Variants in KSR1 observed in about 807,000 individuals in gnomAD.
KSR1 encodes the protein kinase suppressor of ras 1, also known as kinase suppressor of ras.
Under a neutral mutation model 92.9 loss-of-function variants are expected in KSR1, and 35 were observed. That is an observed-to-expected ratio of 0.38 (90% CI 0.29 to 0.50). The LOEUF is 0.50. KSR1 is among the 20% of genes least tolerant of loss of function. The pLI is 0.94. For synonymous variants in KSR1, 467 were observed against 472.6 expected, an observed-to-expected ratio of 0.99 and a Z score of 0.15; for missense variants, 972 against 1,158.5, an observed-to-expected ratio of 0.84 and a Z score of 2.34.
chr17:27,621,345 G>A (rs2074218060), intron 20 of KSR1, 72 bp downstream of exon 20: 1 of 398,300 alleles, frequency 2.5e-6, no homozygotes, highest in South Asian at 1.3e-4. Flanking sequence ...CTTCCTTTCT[G>A]TCGCCGCTTC....
chr17:27,554,056 T>G (rs1350399349), intron 2 of KSR1, among the ~76,000 whole-genome samples: 1 of 152,192 alleles, frequency 6.6e-6, no homozygotes, highest in Non-Finnish European at 1.5e-5. Context: ...TCTGTGTGCT[T>G]TCAGTGGGAA....
At chr17:27,530,451 A>G (rs1308957385) in intron 1 of KSR1, among the ~76,000 whole-genome samples, 4 of 150,560 alleles carry the variant, frequency 2.7e-5, no homozygotes, top group African/African-American at 9.8e-5. Flanking sequence ...TCTCAAAAGA[A>G]AAAAAAAAGA....
intron 10 of KSR1, among the ~76,000 whole-genome samples, chr17:27,600,946 G>A (rs944393240): frequency 1.3e-5 from 2 of 152,220 alleles, no homozygotes; most frequent in Admixed American, 6.5e-5. Context: ...TGGGTAGGGA[G>A]TGGTAAGGTT....
intron 1 of KSR1, among the ~76,000 whole-genome samples, chr17:27,541,357 G>A (rs2070956424): frequency 6.6e-6 from 1 of 152,250 alleles, no homozygotes; most frequent in African/African-American, 2.4e-5. Flanking sequence ...ATGGCCTCAG[G>A]TTATAGGCAG....
In KSR1 at chr17:27,610,155, G is replaced by T; in HGVS notation, c.2314G>T (p.Asp772Tyr). 6.2e-7 allele frequency: 1 copy of T among 1,614,036 alleles called. No individual in the cohort carries two copies. ...CGAGATGACCCCCGGGAAGGACGAGGATCAGCTGCCATTCTCCAAAGCTGC... is the reference window on the plus strand; with the variant it reads ...CGAGATGACCCCCGGGAAGGACGAGTATCAGCTGCCATTCTCCAAAGCTGC... The part of the protein sequence containing the change: ...VREMTPGKDE[D>Y]QLPFSKAADV... Residue 772 changes from aspartate (D) to tyrosine (Y), a missense_variant, in exon 17 of 21, where the codon GAT (aspartate) becomes TAT (tyrosine). Asp to Tyr is a radical substitution (Grantham distance 160). Coordinates refer to ENST00000644974, the MANE Select transcript of KSR1 (RefSeq NM_001394583.1).
intron 16 of KSR1, 156 bp from the exon 17 acceptor site, chr17:27,609,911 G>A (rs2073867889): frequency 9.5e-6 from 8 of 840,484 alleles, no homozygotes; most frequent in Non-Finnish European, 1.5e-5. Context: ...AAGCACCGGT[G>A]CCTTTCCCAA....
chr17:27,512,389 A>C (rs992917490), intron 1 of KSR1, among the ~76,000 whole-genome samples: 2 of 152,152 alleles, frequency 1.3e-5, no homozygotes, highest in African/African-American at 4.8e-5. Context: ...GGCATCCTGG[A>C]GGGGTGATAA....
intron 1 of KSR1, among the ~76,000 whole-genome samples, chr17:27,468,014 T>C (rs2019787303): frequency 6.6e-6 from 1 of 152,120 alleles, no homozygotes; most frequent in Admixed American, 6.5e-5. Flanking sequence ...AGACGGGGTT[T>C]CACCGTGTTA....
chr17:27,549,738 A>T (rs2071323623), intron 1 of KSR1, among the ~76,000 whole-genome samples: 1 of 152,176 alleles, frequency 6.6e-6, no homozygotes, highest in Non-Finnish European at 1.5e-5. Flanking sequence ...TCATGGCTAC[A>T]CTTGTGGTGC....
At chr17:27,519,482 A>G (rs9890849) in intron 1 of KSR1, among the ~76,000 whole-genome samples, 34,427 of 152,032 alleles carry the variant, frequency 0.23, 4,127 homozygotes, top group Non-Finnish European at 0.26. Context: ...TAGTGATTCT[A>G]TCATGTCGGC....
intron 1 of KSR1, among the ~76,000 whole-genome samples, chr17:27,535,085 G>A (rs890374716): frequency 6.6e-6 from 1 of 152,180 alleles, no homozygotes; most frequent in African/African-American, 2.4e-5. Context: ...GACCCTGGGT[G>A]GGACTCAGTG....
At chr17:27,464,396 A>AATT (rs2019582307) in intron 1 of KSR1, among the ~76,000 whole-genome samples, 1 of 152,112 alleles carries the variant, frequency 6.6e-6, no homozygotes, top group African/African-American at 2.4e-5. Flanking sequence ...ATCCCCTGGA[A>AATT]ATTAGGTGGG....
intron 2 of KSR1, among the ~76,000 whole-genome samples, chr17:27,556,414 A>T (rs1180280221): frequency 1.3e-5 from 2 of 151,754 alleles, no homozygotes; most frequent in East Asian, 3.9e-4. Flanking sequence ...TAGACACAGG[A>T]TCTCTCTATG....
At chr17:27,611,434 C>G in intron 17 of KSR1, 60 bp from the exon 18 acceptor site, 1 of 1,609,180 alleles carries the variant, frequency 6.2e-7, no homozygotes, top group Non-Finnish European at 8.5e-7. Flanking sequence ...CTCAAGGGCC[C>G]CTGGGCTTGA....
At chr17:27,492,475 A>C (rs985544062) in intron 1 of KSR1, among the ~76,000 whole-genome samples, 2 of 152,154 alleles carry the variant, frequency 1.3e-5, no homozygotes, top group East Asian at 3.9e-4. Context: ...CCTGAGCCCA[A>C]ATGTCAGCTC....
chr17:27,601,202 C>T (rs1162798471), intron 10 of KSR1, 158 bp from the exon 11 acceptor site: 9 of 624,520 alleles, frequency 1.4e-5, no homozygotes, highest in Non-Finnish European at 2.6e-5. Flanking sequence ...TTTCCTCCTT[C>T]CTGCATGGTT....
At chr17:27,544,909 G>A (rs932377109) in intron 1 of KSR1, among the ~76,000 whole-genome samples, 1 of 152,210 alleles carries the variant, frequency 6.6e-6, no homozygotes, top group Non-Finnish European at 1.5e-5. Flanking sequence ...TCACTCTGAC[G>A]GGAGTGGCTG....
intron 1 of KSR1, among the ~76,000 whole-genome samples, chr17:27,527,832 A>G (rs528271167): frequency 5.3e-5 from 8 of 152,324 alleles, no homozygotes; most frequent in African/African-American, 1.9e-4. Context: ...TGATTTTAGG[A>G]TATATTTCAT....
intron 1 of KSR1, among the ~76,000 whole-genome samples, chr17:27,523,472 G>A (rs368899641): frequency 3.0e-4 from 45 of 152,024 alleles, no homozygotes; most frequent in African/African-American, 8.9e-4. Flanking sequence ...CAAGTTGCTC[G>A]CAGTCTAATG....
Sources: allele counts gnomAD v4.1 joint callset (sites outside exome capture counted in the v4.1 genomes callset), GRCh38; gene constraint gnomAD v4.1.1; transcripts MANE v1.5; gene names NCBI Gene and HGNC (gene_info 2026-07-23, HGNC 2026-07-21).